Variants in RGS6 observed in about 807,000 individuals in gnomAD.
RGS6 encodes regulator of G-protein signaling 6.
A neutral mutation model predicts 78.5 loss-of-function variants in RGS6; 30 were observed. The observed-to-expected ratio is 0.38, with a 90% CI of 0.29 to 0.52. The LOEUF (loss-of-function observed/expected upper bound fraction) is 0.52, where lower values mean the gene tolerates loss of function less well. RGS6 is among the 20% of genes least tolerant of loss of function. The pLI is 0.85. For synonymous variants in RGS6, 206 were observed against 206.0 expected (o/e 1.00, Z 0.00); for missense variants, 495 against 609.7 (o/e 0.81, Z 1.98).
chr14:72,627,888 T>C, the RGS6 span, among the ~76,000 whole-genome samples: 1 of 152,146 alleles, frequency 6.6e-6, no homozygotes, highest in South Asian at 2.1e-4. Context: ...TAAGTATTTC[T>C]TCTTTGTTGC....
At chr14:72,192,060 A>T (rs758957806) in intron 2 of RGS6, among the ~76,000 whole-genome samples, 3 of 152,190 alleles carry the variant, frequency 2.0e-5, no homozygotes, top group Non-Finnish European at 4.4e-5. Flanking sequence ...AAACTCCTCC[A>T]GTTGATTATA....
At chr14:72,582,737 G>T in the RGS6 span, among the ~76,000 whole-genome samples, 1,481 of 152,248 alleles carry the variant, frequency 9.7e-3, 13 homozygotes, top group Middle Eastern at 0.024. Flanking sequence ...GCATGACTAG[G>T]TATTGGATGA....
the RGS6 span, among the ~76,000 whole-genome samples, chr14:71,881,948 A>G: frequency 6.6e-6 from 1 of 152,174 alleles, no homozygotes; most frequent in Non-Finnish European, 1.5e-5. Context: ...TGTATATAAA[A>G]TATGCATAAC....
chr14:72,105,275 C>T (rs547089148), intron 2 of RGS6, among the ~76,000 whole-genome samples: 33 of 152,302 alleles, frequency 2.2e-4, no homozygotes, highest in Non-Finnish European at 3.7e-4. Flanking sequence ...TCCATTTTTA[C>T]CCAAGTAAAA....
the RGS6 span, among the ~76,000 whole-genome samples, chr14:71,901,761 C>G: frequency 6.6e-6 from 1 of 152,036 alleles, no homozygotes; most frequent in Non-Finnish European, 1.5e-5. Context: ...TATATGATAG[C>G]CATGTCTCCT....
intron 3 of RGS6, among the ~76,000 whole-genome samples, chr14:72,394,207 G>A (rs8018756): frequency 0.056 from 8,575 of 152,084 alleles, 766 homozygotes; most frequent in East Asian, 0.39. Context: ...AAAGCTGGGT[G>A]TCCGGGGGAG....
At chr14:72,076,285 C>A (rs1471152998) in intron 2 of RGS6, among the ~76,000 whole-genome samples, 1 of 152,156 alleles carries the variant, frequency 6.6e-6, no homozygotes, top group African/African-American at 2.4e-5. Context: ...CTCTTACTGA[C>A]CTTACAAGTT....
intron 2 of RGS6, among the ~76,000 whole-genome samples, chr14:72,177,162 G>GT (rs938425953): frequency 1.3e-5 from 2 of 151,544 alleles, no homozygotes; most frequent in Admixed American, 6.6e-5. Context: ...TCTAATTTTT[G>GT]TTTTTTTCAA....
intron 2 of RGS6, among the ~76,000 whole-genome samples, chr14:72,093,682 C>T (rs2095336141): frequency 2.0e-5 from 3 of 152,180 alleles, no homozygotes; most frequent in African/African-American, 7.2e-5. Flanking sequence ...TATGAATCCC[C>T]TCTCTTGTTG....
intron 2 of RGS6, among the ~76,000 whole-genome samples, chr14:72,201,952 C>A (rs1403171884): frequency 6.6e-6 from 1 of 152,082 alleles, no homozygotes; most frequent in Non-Finnish European, 1.5e-5. Context: ...AAACTGAACA[C>A]CCATAAAAAG....
At chr14:72,518,593 C>T in intron 15 of RGS6, 56 bp downstream of exon 15, 1 of 1,510,954 alleles carries the variant, frequency 6.6e-7, no homozygotes, top group East Asian at 2.3e-5. Flanking sequence ...CCCTTCATTG[C>T]CTGACCTATT....
At chr14:72,491,043 G>C (rs976403700) in intron 12 of RGS6, among the ~76,000 whole-genome samples, 2 of 152,142 alleles carry the variant, frequency 1.3e-5, no homozygotes, top group Non-Finnish European at 2.9e-5. Context: ...GCATGAGATG[G>C]CACCTCTGAC....
chr14:72,200,079 G>C (rs1485815227), intron 2 of RGS6, among the ~76,000 whole-genome samples: 1 of 152,180 alleles, frequency 6.6e-6, no homozygotes, highest in African/African-American at 2.4e-5. Context: ...TTTCTCTAAA[G>C]TGACCTAATT....
the RGS6 span, among the ~76,000 whole-genome samples, chr14:71,921,134 A>G: frequency 6.6e-6 from 1 of 152,348 alleles, no homozygotes; most frequent in South Asian, 2.1e-4. Flanking sequence ...AGAGAAATGC[A>G]AACCAAAACC....
chr14:72,187,661 C>T (rs1227421626), intron 2 of RGS6, among the ~76,000 whole-genome samples: 6 of 152,176 alleles, frequency 3.9e-5, no homozygotes, highest in Non-Finnish European at 8.8e-5. Context: ...GAGCCTAACA[C>T]ATCTCTGGCT....
At chr14:72,072,364 G>A (rs943267047) in intron 2 of RGS6, among the ~76,000 whole-genome samples, 3 of 151,204 alleles carry the variant, frequency 2.0e-5, no homozygotes, top group East Asian at 1.9e-4. Context: ...GCTGGAGTGC[G>A]GTGGCGCAAT....
chr14:72,524,324 A>G (rs771033612), intron 15 of RGS6, among the ~76,000 whole-genome samples: 7 of 152,200 alleles, frequency 4.6e-5, no homozygotes, highest in Admixed American at 4.6e-4. Flanking sequence ...GGTGAATCCC[A>G]TGGTGATGGG....
At chr14:72,345,699 G>A (rs2077899988) in intron 2 of RGS6, among the ~76,000 whole-genome samples, 3 of 152,288 alleles carry the variant, frequency 2.0e-5, no homozygotes, top group Middle Eastern at 3.4e-3. Flanking sequence ...CCATGAGGAA[G>A]GAGAACAGAT....
intron 4 of RGS6, among the ~76,000 whole-genome samples, chr14:72,457,280 A>T (rs1019460621): frequency 6.6e-6 from 1 of 152,234 alleles, no homozygotes; most frequent in African/African-American, 2.4e-5. Flanking sequence ...AAACTACTTT[A>T]AAAAGTCAGA....
Sources: allele counts gnomAD v4.1 joint callset (sites outside exome capture counted in the v4.1 genomes callset), GRCh38; gene constraint gnomAD v4.1.1; transcripts MANE v1.5; gene names NCBI Gene and HGNC (gene_info 2026-07-23, HGNC 2026-07-21).